The following COLEC12 variants were observed in gnomAD, a reference collection of about 807,000 sequenced individuals.
COLEC12 encodes the protein collectin subfamily member 12.
COLEC12 carries 33 observed loss-of-function variants against 71.1 expected under a neutral mutation model. The observed-to-expected ratio is 0.46, with a 90% CI of 0.35 to 0.62. COLEC12 has a LOEUF of 0.62. Ranked by LOEUF, COLEC12 falls within the 20% of genes least tolerant of loss-of-function variation. COLEC12 has a pLI of 0.00. For missense variants in COLEC12, 765 were observed against 916.1 expected, an observed-to-expected ratio of 0.84 and a Z score of 2.13; for synonymous variants, 350 against 353.0, an observed-to-expected ratio of 0.99 and a Z score of 0.10.
At chr18:388,052 C>A (rs1162622116) in intron 2 of COLEC12, among the ~76,000 whole-genome samples, 1 of 152,128 alleles carries the variant, frequency 6.6e-6, no homozygotes, top group Non-Finnish European at 1.5e-5. Context: ...GGCTAGTAGG[C>A]AGACAGATGT....
Position 334,932 on chromosome 18 carries a change from G to A in COLEC12, c.1626C>T (p.Gly542=), listed in dbSNP as rs1233089549. Residue 542 remains glycine (G), a synonymous_variant, in exon 6 of 10, where the codon GGC becomes GGT. Transcript: ENST00000400256. ...CCTGAAGTCCCTGGAAGCCAGGAGG[G>A]CCCTGAGGGCCGGGGAGTCCCTCTT... ...PGKEGLPGPQ[G]PPGFQGLQGT... The A allele has an allele frequency of 1.3e-6, 2 of 1,565,304 alleles. No individual in the cohort carries two copies. Among genetic ancestry groups the A allele is most frequent in the Non-Finnish European group, 1.7e-6 (2 of 1,163,758 alleles).
At chr18:493,230 G>T (rs917027928) in intron 1 of COLEC12, among the ~76,000 whole-genome samples, 1 of 152,014 alleles carries the variant, frequency 6.6e-6, no homozygotes, top group Non-Finnish European at 1.5e-5. Flanking sequence ...ACTCACCACC[G>T]CACCCATTAA....
At chr18:325,582 C>T (rs987868127) in intron 8 of COLEC12, among the ~76,000 whole-genome samples, 2 of 141,898 alleles carry the variant, frequency 1.4e-5, no homozygotes, top group Non-Finnish European at 3.0e-5. Flanking sequence ...CTCCCAATCA[C>T]ATGCTTACAC....
chr18:472,165 C>A (rs1372443470), intron 2 of COLEC12, among the ~76,000 whole-genome samples: 1 of 152,152 alleles, frequency 6.6e-6, no homozygotes, highest in Admixed American at 6.5e-5. Flanking sequence ...GACGCTCAGG[C>A]ACAGAGAGGC....
intron 2 of COLEC12, among the ~76,000 whole-genome samples, chr18:475,076 A>AAAATAAATAAATAAAT (rs112466281): frequency 1.3e-5 from 2 of 151,296 alleles, no homozygotes; most frequent in African/African-American, 4.9e-5. Flanking sequence ...CTCCGTCTCA[A>AAAATAAATAAATAAAT]AAATAAATAA....
At chr18:375,641 G>A (rs1024782411) in intron 2 of COLEC12, among the ~76,000 whole-genome samples, 1 of 152,214 alleles carries the variant, frequency 6.6e-6, no homozygotes, top group Non-Finnish European at 1.5e-5. Context: ...AGGACCACAG[G>A]CGTGCACGAC....
rs146044045 is a variant in COLEC12, at chr18:367,500, T to C, written c.59-9978A>G. Among the ~76,000 whole-genome samples, 417 of 152,318 alleles carry C rather than the reference T, an allele frequency of 2.7e-3. 3 individuals are homozygous for C. Among genetic ancestry groups the C allele is most frequent in the Admixed American group, 0.014 (213 of 15,294 alleles). On this transcript the variant is annotated intron_variant, in intron 2 of 9. Transcript: ENST00000400256. Reference sequence around the variant, plus strand: ...GTTTTTTACTTTCTTCAAGTGAAGATGATAGTCGAAGACACTTAAAATTAA... The same window carrying C: ...GTTTTTTACTTTCTTCAAGTGAAGACGATAGTCGAAGACACTTAAAATTAA...
intron 5 of COLEC12, among the ~76,000 whole-genome samples, chr18:337,640 C>G (rs1022067052): frequency 2.0e-5 from 3 of 152,168 alleles, no homozygotes; most frequent in Admixed American, 1.3e-4. Context: ...CTACCTAGAC[C>G]CATGTCACTG....
chr18:333,103 G>C lies in COLEC12; in HGVS notation c.1857C>G (p.Tyr619Ter). ...AAATTTCTTTCTCAACTGAAAAATA[G>C]TAGCATTTGTCTGTGAAGTTCTTCC... The part of the protein sequence containing the change: ...PHWKNFTDKC[Y>*]YFSVEKEIFE... The change falls in exon 7 of 10, where the codon TAC becomes TAG. Residue 619 changes from tyrosine to a stop codon, truncating the protein, a stop_gained. Transcript: ENST00000400256. LOFTEE classifies it high-confidence loss of function. 1.2e-6 allele frequency: 2 copies of C among 1,611,364 alleles called. No homozygotes were observed.
chr18:419,434 G>C (rs192972524), intron 2 of COLEC12, among the ~76,000 whole-genome samples: 100 of 152,292 alleles, frequency 6.6e-4, no homozygotes, highest in African/African-American at 2.4e-3. Context: ...TCAAACTCCT[G>C]ACCTCAGGTG....
chr18:362,520 C>T lies in COLEC12; in HGVS notation c.59-4998G>A, dbSNP rs900217629. On this transcript the variant is annotated intron_variant, in intron 2 of 9. Transcript: ENST00000400256. This position sits in a 1 kb window ranked among gnomAD's most constrained non-coding sequence, Gnocchi z 4.6. ...AAGAGAGATATCCCCCTGTTACCAG[C>T]CTTTGTAGTGTTTGTTTTCTTAGCA... Among the ~76,000 whole-genome samples, 12 of 151,890 alleles carry T rather than the reference C, an allele frequency of 7.9e-5. No individual in the cohort carries two copies. The highest frequency in any genetic ancestry group is 2.9e-4 in the African/African-American group (12 of 41,314).
chr18:381,901 C>T (rs950145107), intron 2 of COLEC12, among the ~76,000 whole-genome samples: 1 of 150,696 alleles, frequency 6.6e-6, no homozygotes, highest in Non-Finnish European at 1.5e-5. Context: ...TTTTAAAAAG[C>T]TCACCTCTCA....
chr18:391,057 C>T (rs773348075), intron 2 of COLEC12, among the ~76,000 whole-genome samples: 15 of 152,144 alleles, frequency 9.9e-5, no homozygotes, highest in African/African-American at 2.4e-4. Flanking sequence ...CCTGAATTTC[C>T]GGTTTTATTA....
At chr18:444,352 G>T (rs1297471881) in intron 2 of COLEC12, among the ~76,000 whole-genome samples, 1 of 152,036 alleles carries the variant, frequency 6.6e-6, no homozygotes, top group African/African-American at 2.4e-5. Flanking sequence ...GAGATCACTG[G>T]GATAGAGTCT....
intron 2 of COLEC12, among the ~76,000 whole-genome samples, chr18:420,906 C>T (rs1916086489): frequency 1.3e-5 from 2 of 151,984 alleles, no homozygotes. Flanking sequence ...CCATAGAACC[C>T]AGGAAGCAAT....
At chr18:347,981 AGTTTATAG>A (rs1914422754) in intron 4 of COLEC12, 76 bp downstream of exon 4, 19 of 808,758 alleles carry the variant, frequency 2.3e-5, no homozygotes, top group Non-Finnish European at 3.7e-5. Context: ...GTGAATGGGG[AGTTTATAG>A]CAACATCATT....
chr18:355,071 C>G (rs1461805747), intron 3 of COLEC12, among the ~76,000 whole-genome samples: 5 of 152,038 alleles, frequency 3.3e-5, no homozygotes, highest in African/African-American at 7.3e-5. Flanking sequence ...ATCCATCCAT[C>G]CATCCATCCA....
At chr18:363,227 T>C (rs998453499) in intron 2 of COLEC12, among the ~76,000 whole-genome samples, 2 of 152,220 alleles carry the variant, frequency 1.3e-5, no homozygotes, top group South Asian at 2.1e-4. Flanking sequence ...TCCGATCTTT[T>C]TGCAGAAAAA....
chr18:470,220 A>ATTTTTTTTTTTTT (rs71174234), intron 2 of COLEC12, among the ~76,000 whole-genome samples: 2 of 92,382 alleles, frequency 2.2e-5, no homozygotes, highest in African/African-American at 4.4e-5. Context: ...AGGCCAGGAA[A>ATTTTTTTTTTTTT]TTTTTTTTTT....
Sources: allele counts gnomAD v4.1 joint callset (sites outside exome capture counted in the v4.1 genomes callset), GRCh38; gene constraint gnomAD v4.1.1; non-coding constraint Gnocchi (gnomAD v3.1); transcripts MANE v1.5; gene names NCBI Gene and HGNC (gene_info 2026-07-23, HGNC 2026-07-21).